The following MYO16 variants were observed in gnomAD, a reference collection of about 807,000 sequenced individuals.
MYO16 encodes myosin XVI.
A neutral mutation model predicts 205.3 loss-of-function variants in MYO16; 94 were observed. That is an observed-to-expected ratio of 0.46 (90% confidence interval 0.39 to 0.54). MYO16 has a LOEUF of 0.54. Ranked by LOEUF, MYO16 falls within the 20% of genes least tolerant of loss-of-function variation. The pLI is 0.00. For synonymous variants in MYO16, 988 were observed against 954.0 expected, an observed-to-expected ratio of 1.04 and a Z score of -0.66; for missense variants, 2,315 against 2,387.5, an observed-to-expected ratio of 0.97 and a Z score of 0.63.
chr13:108,604,296 TA>T (rs1300081741), intron 1 of MYO16, among the ~76,000 whole-genome samples: 3 of 152,092 alleles, frequency 2.0e-5, no homozygotes, highest in Non-Finnish European at 4.4e-5. Flanking sequence ...TGAGGCATAC[TA>T]GGATATTTTG....
chr13:108,725,713 A>C (rs1351441848), intron 3 of MYO16, among the ~76,000 whole-genome samples: 1 of 152,070 alleles, frequency 6.6e-6, no homozygotes, highest in South Asian at 2.1e-4. Context: ...TATTCAGCTG[A>C]GCACTTGAGG....
At chr13:109,007,613 G>A (rs1219476077) in intron 21 of MYO16, among the ~76,000 whole-genome samples, 3 of 150,824 alleles carry the variant, frequency 2.0e-5, no homozygotes, top group Non-Finnish European at 4.4e-5. Context: ...CACAGAAGTA[G>A]AAGAGTAGCC....
chr13:109,111,690 C>CTT (rs35057363), intron 28 of MYO16, among the ~76,000 whole-genome samples: 2 of 144,286 alleles, frequency 1.4e-5, no homozygotes, highest in African/African-American at 2.5e-5. Context: ...TGATTGTAGA[C>CTT]TTTTTTTTTT....
chr13:109,151,199 A>G lies in MYO16; in HGVS notation c.5164+9823A>G, dbSNP rs146303148. 4.3e-4 allele frequency among the ~76,000 whole-genome samples: 66 copies of G among 152,300 alleles called. No homozygotes were observed. The East Asian group carries it at 0.011, about 25-fold the overall frequency. ...CGCCATCGAGAGTGAGCTATATTCAATATCACTTCACCCAGTGCTTCATTC... is the reference window on the plus strand; with the variant it reads ...CGCCATCGAGAGTGAGCTATATTCAGTATCACTTCACCCAGTGCTTCATTC... On this transcript the variant is annotated intron_variant, in intron 32 of 34. Transcript: ENST00000457511.
chr13:108,763,285 G>A (rs1459033000), intron 4 of MYO16, among the ~76,000 whole-genome samples: 1 of 152,118 alleles, frequency 6.6e-6, no homozygotes, highest in Non-Finnish European at 1.5e-5. Context: ...ATATTTTTAT[G>A]CATGTCATGC....
chr13:108,975,186 TTTTG>T (rs891914385), intron 20 of MYO16, among the ~76,000 whole-genome samples: 35 of 147,214 alleles, frequency 2.4e-4, no homozygotes, highest in African/African-American at 8.8e-4. Flanking sequence ...GGGATACTGT[TTTTG>T]TTTTTTTTTT....
chr13:109,029,332 G>A (rs1209147336), intron 23 of MYO16, among the ~76,000 whole-genome samples: 1 of 151,722 alleles, frequency 6.6e-6, no homozygotes, highest in Non-Finnish European at 1.5e-5. Flanking sequence ...TTGAACTCCT[G>A]ACCTCAGGTG....
At chr13:108,887,024 C>T (rs944968934) in intron 13 of MYO16, among the ~76,000 whole-genome samples, 2 of 152,190 alleles carry the variant, frequency 1.3e-5, no homozygotes, top group Non-Finnish European at 2.9e-5. Flanking sequence ...ATTTGAAATT[C>T]AACTTAATAA....
In MYO16 at chr13:108,798,670, C is replaced by T. The variant is rs111320843; in HGVS notation, c.741+5030C>T. 4.2e-3 allele frequency among the ~76,000 whole-genome samples: 615 copies of T among 148,066 alleles called. 6 individuals are homozygous for T. Among genetic ancestry groups the T allele is most frequent in the African/African-American group, 0.015 (587 of 40,230 alleles). On this transcript the variant is annotated intron_variant, in intron 6 of 34. Transcript: ENST00000457511. ...TGTTAGCACATAATTTGATATATCACATCTGGCCCCGAGGCTTATTTTTTT... is the reference window on the plus strand; with the variant it reads ...TGTTAGCACATAATTTGATATATCATATCTGGCCCCGAGGCTTATTTTTTT...
At chr13:108,941,533 T>C (rs1464347469) in intron 16 of MYO16, among the ~76,000 whole-genome samples, 1 of 151,736 alleles carries the variant, frequency 6.6e-6, no homozygotes, top group Non-Finnish European at 1.5e-5. Flanking sequence ...AAAAATTAGC[T>C]GGGCATGGTG....
chr13:108,728,012 G>A (rs1489818790), intron 4 of MYO16, among the ~76,000 whole-genome samples: 1 of 152,020 alleles, frequency 6.6e-6, no homozygotes, highest in Non-Finnish European at 1.5e-5. Flanking sequence ...ATGAAAACGG[G>A]AACTTTAAAT....
intron 1 of MYO16, among the ~76,000 whole-genome samples, chr13:108,653,784 CAT>C (rs997182044): frequency 2.7e-5 from 4 of 149,492 alleles, no homozygotes; most frequent in Admixed American, 6.7e-5. Flanking sequence ...CATATATATA[CAT>C]ATATATATAT....
chr13:108,671,234 G>A (rs1881976295), intron 2 of MYO16, among the ~76,000 whole-genome samples: 1 of 152,154 alleles, frequency 6.6e-6, no homozygotes, highest in South Asian at 2.1e-4. Flanking sequence ...GGTGCTCAAA[G>A]TGATAGGAAC....
At chr13:108,915,303 G>A (rs913316786) in intron 16 of MYO16, among the ~76,000 whole-genome samples, 3 of 152,174 alleles carry the variant, frequency 2.0e-5, no homozygotes, top group African/African-American at 7.2e-5. Context: ...AAGACTGCAC[G>A]GATCTGGAAT....
chr13:108,516,178 G>A, the MYO16 span, among the ~76,000 whole-genome samples: 1 of 152,090 alleles, frequency 6.6e-6, no homozygotes, highest in Admixed American at 6.5e-5. Context: ...TAGTCTCGTG[G>A]TGCGCCATTT....
chr13:108,822,003 A>C (rs1875999744), intron 8 of MYO16, among the ~76,000 whole-genome samples: 1 of 152,202 alleles, frequency 6.6e-6, no homozygotes, highest in Non-Finnish European at 1.5e-5. Flanking sequence ...CAACTAAAGC[A>C]GATATGCCAA....
intron 4 of MYO16, among the ~76,000 whole-genome samples, chr13:108,755,460 G>A (rs1173040972): frequency 1.3e-5 from 2 of 151,106 alleles, no homozygotes; most frequent in African/African-American, 2.4e-5. Context: ...GTATATTTTT[G>A]AGTAAGAAAA....
At chr13:108,799,635 C>G (rs1886909067) in intron 6 of MYO16, among the ~76,000 whole-genome samples, 1 of 152,116 alleles carries the variant, frequency 6.6e-6, no homozygotes, top group South Asian at 2.1e-4. Flanking sequence ...AAGCTATTTT[C>G]TCACCCAAGT....
At chr13:108,859,364 T>G (rs1878349115) in intron 11 of MYO16, among the ~76,000 whole-genome samples, 1 of 152,178 alleles carries the variant, frequency 6.6e-6, no homozygotes, top group Non-Finnish European at 1.5e-5. Flanking sequence ...AAGTTAATAT[T>G]TACTCATCCA....
Sources: allele counts gnomAD v4.1 joint callset (sites outside exome capture counted in the v4.1 genomes callset), GRCh38; gene constraint gnomAD v4.1.1; transcripts MANE v1.5; gene names NCBI Gene and HGNC (gene_info 2026-07-23, HGNC 2026-07-21).